C2orf49: variants seen among roughly 807,000 people sequenced by gnomAD.
C2orf49 encodes the protein tRNA splicing ligase complex subunit 2, also known as tRNA-splicing ligase complex subunit ASW.
A neutral mutation model predicts 20.6 loss-of-function variants in C2orf49; 11 were observed. That is an observed-to-expected ratio of 0.53 (90% confidence interval 0.34 to 0.88). The LOEUF (loss-of-function observed/expected upper bound fraction) is 0.88. Among genes scored for constraint, C2orf49 ranks in the 40% least tolerant of loss-of-function variants. C2orf49 has a pLI of 0.02. For synonymous variants in C2orf49, 134 were observed against 108.5 expected (o/e 1.24, Z -1.46); for missense variants, 289 against 274.2 (o/e 1.05, Z -0.38).
downstream of C2orf49, among the ~76,000 whole-genome samples, chr2:105,349,791 A>T (rs780255505): frequency 4.2e-4 from 64 of 152,348 alleles, 2 homozygotes; most frequent in Non-Finnish European, 2.1e-4. Context: ...AGGCCTCTGA[A>T]GATACTATAT....
the C2orf49 span, among the ~76,000 whole-genome samples, chr2:105,384,289 T>C: frequency 6.6e-6 from 1 of 152,234 alleles, no homozygotes; most frequent in Non-Finnish European, 1.5e-5. Flanking sequence ...GACATTTTTA[T>C]TGATGTTTCC....
chr2:105,373,111 G>A, the C2orf49 span, among the ~76,000 whole-genome samples: 25 of 152,276 alleles, frequency 1.6e-4, 1 homozygote, highest in East Asian at 3.5e-3. Flanking sequence ...AGAGGACCAG[G>A]TGCACCTCGG....
the C2orf49 span, chr2:105,359,994 A>T: frequency 6.6e-6 from 1 of 152,306 alleles, no homozygotes; most frequent in East Asian, 1.9e-4. Context: ...ACATTCCAAG[A>T]GAAAGAGTAT....
Position 105,342,857 on chromosome 2 carries a change from T to A in C2orf49, c.276T>A (p.Thr92=), listed in dbSNP as rs1679706281. ...ATCTCTTTGATTTCAGGAGTAGCAC[T>A]GTAGATGGGTTAAGGAAAAGACCCC... The part of the protein sequence containing the change: ...EIKNETKRSS[T]VDGLRKRPLI... The change falls in exon 3 of 4, where the codon ACT becomes ACA. Residue 92 remains threonine (T), a synonymous_variant. Coordinates refer to ENST00000258457, the MANE Select transcript of C2orf49 (RefSeq NM_024093.3). 3 of 1,612,566 alleles carry A rather than the reference T, an allele frequency of 1.9e-6. No individual in the cohort carries two copies. In the East Asian group the frequency reaches 6.7e-5, roughly 36 times the overall value.
chr2:105,377,882 T>A, the C2orf49 span: 1 of 366,510 alleles, frequency 2.7e-6, no homozygotes, highest in African/African-American at 2.1e-5. Flanking sequence ...GCTTTTTACA[T>A]GGTGGCTGCC....
chr2:105,352,939 CTT>C (rs1183532386), downstream of C2orf49, among the ~76,000 whole-genome samples: 3 of 152,118 alleles, frequency 2.0e-5, no homozygotes, highest in African/African-American at 4.8e-5. Flanking sequence ...AAGATCCTCT[CTT>C]AGTCCATTTT....
chr2:105,355,633 AAGT>A, the C2orf49 span, among the ~76,000 whole-genome samples: 1 of 152,240 alleles, frequency 6.6e-6, no homozygotes, highest in South Asian at 2.1e-4. Flanking sequence ...ACAAGCTTTA[AAGT>A]AACTCAGAGT....
At chr2:105,371,546 A>ATCTCTCTCTCTCTCTCTCTCTCTC in the C2orf49 span, among the ~76,000 whole-genome samples, 1 of 140,970 alleles carries the variant, frequency 7.1e-6, no homozygotes, top group East Asian at 2.2e-4. Context: ...ATCCCTTGAA[A>ATCTCTCTCTCTCTCTCTCTCTCTC]TCTCTCTCTC....
chr2:105,354,051 CG>C, downstream of C2orf49, among the ~76,000 whole-genome samples: 1 of 152,168 alleles, frequency 6.6e-6, no homozygotes. Flanking sequence ...ACATATACCT[CG>C]GGCTTCATTT....
chr2:105,354,238 T>C, the C2orf49 span, among the ~76,000 whole-genome samples: 1 of 152,246 alleles, frequency 6.6e-6, no homozygotes, highest in Non-Finnish European at 1.5e-5. Context: ...AGCAGATATA[T>C]TTAATGAGTT....
chr2:105,382,698 T>C, the C2orf49 span, among the ~76,000 whole-genome samples: 2 of 152,142 alleles, frequency 1.3e-5, no homozygotes, highest in African/African-American at 2.4e-5. Context: ...TTATTATTTT[T>C]TTTTTCTCTT....
In C2orf49 at chr2:105,343,139, T is replaced by C. The variant is rs747374670; in HGVS notation, c.558T>C (p.Pro186=). Residue 186 remains proline, a synonymous_variant, in exon 3 of 4, where the codon CCT becomes CCC. Coordinates refer to ENST00000258457, the MANE Select transcript of C2orf49 (RefSeq NM_024093.3). ...DLTHRKSPSG[P]VKSPPLSPVG... The stretch of plus-strand genomic sequence containing the variant: ...CGCATAGGAAAAGTCCTTCAGGCCC[T>C]GTGAAGTCGCCACCATTGTCCCCTG... 1 of 1,614,190 alleles carries C rather than the reference T, an allele frequency of 6.2e-7. No individual in the cohort carries two copies. Among genetic ancestry groups the C allele is most frequent in the Non-Finnish European group, 8.5e-7 (1 of 1,180,030 alleles).
the C2orf49 span, among the ~76,000 whole-genome samples, chr2:105,384,618 G>A: frequency 1.3e-5 from 2 of 152,040 alleles, no homozygotes; most frequent in Non-Finnish European, 2.9e-5. Context: ...AGTGATTCTC[G>A]TGCCTCAGCC....
chr2:105,347,639 C>A lies in C2orf49; in HGVS notation c.*2268C>A, dbSNP rs1289494059. The A allele has an allele frequency of 6.6e-6, 1 of 152,280 alleles. No homozygotes were observed. Among genetic ancestry groups the A allele is most frequent in the East Asian group, 1.9e-4 (1 of 5,192 alleles). 9.4% of individuals were successfully genotyped at this position (152,280 alleles called of 1,614,324 possible). Reference sequence around the variant, plus strand: ...GTACTATGTGTTAACATAATCCCACCTTCTTAGAGCTTTGTTCCTTCTGAA... The same window carrying A: ...GTACTATGTGTTAACATAATCCCACATTCTTAGAGCTTTGTTCCTTCTGAA... On this transcript the variant is annotated 3_prime_UTR_variant, in exon 4 of 4. Transcript: ENST00000258457.
chr2:105,382,693 AT>A, the C2orf49 span, among the ~76,000 whole-genome samples: 1,184 of 149,566 alleles, frequency 7.9e-3, 13 homozygotes, highest in African/African-American at 0.027. Flanking sequence ...CTTGTTTATT[AT>A]TTTTTTTTTC....
At chr2:105,354,514 A>C in the C2orf49 span, among the ~76,000 whole-genome samples, 1 of 152,102 alleles carries the variant, frequency 6.6e-6, no homozygotes, top group Non-Finnish European at 1.5e-5. Context: ...AAAATACAAA[A>C]GGTCAGCCAG....
the C2orf49 span, among the ~76,000 whole-genome samples, chr2:105,375,010 C>T: frequency 3.9e-5 from 6 of 152,166 alleles, no homozygotes; most frequent in African/African-American, 9.7e-5. Flanking sequence ...AAACCGAAGT[C>T]GAAGCTGGAG....
At chr2:105,362,810 CA>C in the C2orf49 span, among the ~76,000 whole-genome samples, 3 of 152,152 alleles carry the variant, frequency 2.0e-5, no homozygotes, top group Non-Finnish European at 4.4e-5. Flanking sequence ...TGGGGGAATA[CA>C]ATATGAAAAA....
chr2:105,343,485 C>G (rs1282239311), intron 3 of C2orf49, among the ~76,000 whole-genome samples: 1 of 152,152 alleles, frequency 6.6e-6, no homozygotes, highest in Non-Finnish European at 1.5e-5. Flanking sequence ...GGCAGTTTTC[C>G]TAGATTTTTC....
Sources: gnomAD v4.1 joint callset for allele counts (sites outside exome capture counted in the v4.1 genomes callset) on GRCh38, gnomAD v4.1.1 for gene constraint, MANE v1.5 for transcripts, NCBI Gene and HGNC (gene_info 2026-07-23, HGNC 2026-07-21) for gene names.